Variants in SSBP2 observed in about 807,000 individuals in gnomAD.
The protein encoded by SSBP2 is single-stranded DNA-binding protein 2.
Under a neutral mutation model 61.8 loss-of-function variants are expected in SSBP2, and 17 were observed. The ratio of observed to expected loss-of-function variants is 0.28; its 90% CI spans 0.19 to 0.41. The LOEUF (loss-of-function observed/expected upper bound fraction) is 0.41. SSBP2 is among the 10% of genes least tolerant of loss of function. The pLI is 1.00. For synonymous variants in SSBP2, 139 were observed against 141.3 expected (o/e 0.98, Z 0.12); for missense variants, 310 against 458.7 (o/e 0.68, Z 2.96).
chr5:81,424,355 C>T lies in SSBP2; in HGVS notation c.1057-3822G>A, dbSNP rs191124654. Among the ~76,000 whole-genome samples the T allele has an allele frequency of 2.3e-3, 351 of 152,086 alleles. 1 individual carries two copies. Among genetic ancestry groups the T allele is most frequent in the African/African-American group, 8.1e-3 (334 of 41,474 alleles). On this transcript the variant is annotated intron_variant, in intron 16 of 16. Coordinates refer to ENST00000320672, the MANE Select transcript of SSBP2 (RefSeq NM_012446.5). ...GGGAGAACTGCTTGAACCCAGGAGG[C>T]GGAGGTTGCAGTGAGCCAAGATCGC...
chr5:81,627,715 G>A (rs1007347116), intron 3 of SSBP2, among the ~76,000 whole-genome samples: 3 of 151,996 alleles, frequency 2.0e-5, no homozygotes, highest in African/African-American at 7.3e-5. Context: ...AAATACAGGG[G>A]ACCAAAGTCA....
At chr5:81,442,777 C>A in intron 12 of SSBP2, 54 bp from the exon 13 acceptor site, 2 of 917,062 alleles carry the variant, frequency 2.2e-6, no homozygotes, top group South Asian at 1.6e-5. Context: ...ATACCCAATT[C>A]ATCACAAAGT....
At chr5:81,686,605 T>C (rs1014734751) in intron 1 of SSBP2, among the ~76,000 whole-genome samples, 1 of 151,656 alleles carries the variant, frequency 6.6e-6, no homozygotes, top group Non-Finnish European at 1.5e-5. Context: ...GCCTGTAATC[T>C]CAGCGCTTTG....
At chr5:81,631,328 G>A (rs1331810652) in intron 3 of SSBP2, among the ~76,000 whole-genome samples, 1 of 152,122 alleles carries the variant, frequency 6.6e-6, no homozygotes, top group African/African-American at 2.4e-5. Context: ...GCTTTCAGGA[G>A]AAAGATTAAA....
At chr5:81,442,402 AAAAT>A (rs1313820915) in intron 13 of SSBP2, among the ~76,000 whole-genome samples, 5 of 152,062 alleles carry the variant, frequency 3.3e-5, no homozygotes, top group Admixed American at 1.3e-4. Flanking sequence ...TATTTACAAT[AAAAT>A]AAGATGAAAC....
intron 1 of SSBP2, among the ~76,000 whole-genome samples, chr5:81,690,018 T>G (rs1342374808): frequency 6.6e-6 from 1 of 152,116 alleles, no homozygotes; most frequent in Non-Finnish European, 1.5e-5. Flanking sequence ...AGTGTTAAGT[T>G]TCATTAGTTT....
At chr5:81,670,300 G>A (rs997045818) in intron 1 of SSBP2, among the ~76,000 whole-genome samples, 2 of 152,064 alleles carry the variant, frequency 1.3e-5, no homozygotes, top group East Asian at 1.9e-4. Context: ...TATCTTCCAC[G>A]CAATTTGCTG....
intron 16 of SSBP2, among the ~76,000 whole-genome samples, chr5:81,423,744 CA>C (rs144509502): frequency 7.4e-4 from 97 of 130,376 alleles, no homozygotes; most frequent in Middle Eastern, 4.2e-3. Flanking sequence ...GACTCCGTCT[CA>C]AAAAAAAAAA....
chr5:81,648,781 T>C (rs746684045), intron 2 of SSBP2, among the ~76,000 whole-genome samples: 22 of 152,120 alleles, frequency 1.4e-4, no homozygotes, highest in Non-Finnish European at 2.6e-4. Flanking sequence ...TAATGTGTTA[T>C]CTAATTTAAA....
At chr5:81,709,766 A>G (rs1754643880) in intron 1 of SSBP2, among the ~76,000 whole-genome samples, 1 of 151,892 alleles carries the variant, frequency 6.6e-6, no homozygotes, top group Non-Finnish European at 1.5e-5. Context: ...CTTTATTTTG[A>G]AAAGAAAAAA....
chr5:81,659,747 G>A (rs1750528151), intron 1 of SSBP2, among the ~76,000 whole-genome samples: 1 of 152,044 alleles, frequency 6.6e-6, no homozygotes, highest in African/African-American at 2.4e-5. Context: ...GAGGCATCAT[G>A]CTACCTGACT....
At chr5:81,650,216 C>T in intron 2 of SSBP2, 51 bp downstream of exon 2, 2 of 1,258,778 alleles carry the variant, frequency 1.6e-6, no homozygotes, top group Non-Finnish European at 2.2e-6. Context: ...GTGTGTTTTC[C>T]ATTCATTTAT....
At chr5:81,547,987 T>C (rs1383045295) in intron 4 of SSBP2, among the ~76,000 whole-genome samples, 2 of 152,186 alleles carry the variant, frequency 1.3e-5, no homozygotes, top group African/African-American at 4.8e-5. Flanking sequence ...TGTAAACCCA[T>C]GGAATATACA....
intron 1 of SSBP2, among the ~76,000 whole-genome samples, chr5:81,677,913 A>G (rs1752104551): frequency 6.6e-6 from 1 of 152,030 alleles, no homozygotes; most frequent in African/African-American, 2.4e-5. Context: ...ACAGGACTAT[A>G]AAAGGCTTTC....
chr5:81,558,824 A>G (rs1772803082), intron 4 of SSBP2, among the ~76,000 whole-genome samples: 1 of 152,236 alleles, frequency 6.6e-6, no homozygotes, highest in South Asian at 2.1e-4. Flanking sequence ...TATCATACAA[A>G]AGAGTAGTAC....
At position 81,541,407 on chromosome 5, in the gene SSBP2, T is replaced by C. The variant is rs376842864; in HGVS notation, c.283-27690A>G. 1.6e-4 allele frequency among the ~76,000 whole-genome samples: 24 copies of C among 152,098 alleles called. No individual in the cohort carries two copies. In the Middle Eastern group the frequency reaches 0.01, roughly 65 times the overall value. ...CTACCAATGTCATTTTTCACAGAAC[T>C]AGAACAAACGATTCTAAAATTCATA... is the stretch of plus-strand genomic sequence containing the variant. On this transcript the variant is annotated intron_variant, in intron 4 of 16. Transcript: ENST00000320672.
At chr5:81,430,750 G>A (rs752391586) in intron 15 of SSBP2, among the ~76,000 whole-genome samples, 8 of 152,062 alleles carry the variant, frequency 5.3e-5, no homozygotes, top group Non-Finnish European at 8.8e-5. Context: ...TGGTGGGGAC[G>A]GGTATTTAAG....
intron 4 of SSBP2, among the ~76,000 whole-genome samples, chr5:81,533,579 C>T (rs561284795): frequency 3.9e-4 from 59 of 151,982 alleles, no homozygotes; most frequent in Non-Finnish European, 7.1e-4. Flanking sequence ...ACCACCCTGA[C>T]CTAATAAAAA....
At chr5:81,625,140 A>T (rs764294627) in intron 3 of SSBP2, among the ~76,000 whole-genome samples, 136 of 152,326 alleles carry the variant, frequency 8.9e-4, no homozygotes, top group Non-Finnish European at 1.4e-3. Flanking sequence ...TGACAATGTG[A>T]TAATTAGTAT....
Sources: allele counts gnomAD v4.1 joint callset (sites outside exome capture counted in the v4.1 genomes callset), GRCh38; gene constraint gnomAD v4.1.1; transcripts MANE v1.5; gene names NCBI Gene and HGNC (gene_info 2026-07-23, HGNC 2026-07-21).